The following PTPRD variants were observed in gnomAD, a reference collection of about 807,000 sequenced individuals.
PTPRD encodes protein tyrosine phosphatase receptor type D, also known as receptor-type tyrosine-protein phosphatase delta.
Under a neutral mutation model 214.5 loss-of-function variants are expected in PTPRD, and 34 were observed. That is an observed-to-expected ratio of 0.16 (90% CI 0.12 to 0.21). PTPRD has a LOEUF of 0.21. Among genes scored for constraint, PTPRD ranks in the 10% least tolerant of loss-of-function variants. PTPRD has a pLI of 1.00. For synonymous variants in PTPRD, 1,128 were observed against 845.7 expected (o/e 1.33, Z -5.79); for missense variants, 2,545 against 2,398.7 (o/e 1.06, Z -1.27).
intron 27 of PTPRD, among the ~76,000 whole-genome samples, chr9:8,490,414 C>T (rs2097126603): frequency 6.6e-6 from 1 of 152,124 alleles, no homozygotes; most frequent in Non-Finnish European, 1.5e-5. Flanking sequence ...CTAAATTTAG[C>T]CCCAATTTAA....
chr9:10,208,435 A>G (rs1195691300), intron 3 of PTPRD, among the ~76,000 whole-genome samples: 2 of 152,076 alleles, frequency 1.3e-5, no homozygotes, highest in Non-Finnish European at 2.9e-5. Flanking sequence ...AAGGGCGTGA[A>G]CCCGGGAGGC....
chr9:10,608,343 C>A (rs988776567), intron 2 of PTPRD, among the ~76,000 whole-genome samples: 3 of 151,918 alleles, frequency 2.0e-5, no homozygotes, highest in Non-Finnish European at 4.4e-5. Context: ...AGCATAGGGT[C>A]ATTTAGAGAA....
At chr9:8,748,760 G>C (rs1439867208) in intron 11 of PTPRD, among the ~76,000 whole-genome samples, 1 of 151,770 alleles carries the variant, frequency 6.6e-6, no homozygotes, top group Admixed American at 6.6e-5. Context: ...AAAAATACAA[G>C]ATTAGCCAGG....
intron 11 of PTPRD, among the ~76,000 whole-genome samples, chr9:8,912,666 G>T (rs755779375): frequency 6.6e-6 from 1 of 151,814 alleles, no homozygotes; most frequent in Admixed American, 6.6e-5. Flanking sequence ...TTAGAGAAAA[G>T]GTTTTACTAA....
At chr9:10,611,381 T>C (rs1314977601) in intron 2 of PTPRD, among the ~76,000 whole-genome samples, 1 of 152,220 alleles carries the variant, frequency 6.6e-6, no homozygotes, top group East Asian at 1.9e-4. Context: ...TGAAATGTTA[T>C]TGATTCTCTC....
chr9:8,639,926 T>C (rs1286349142), intron 12 of PTPRD, among the ~76,000 whole-genome samples: 2 of 152,160 alleles, frequency 1.3e-5, no homozygotes, highest in Non-Finnish European at 2.9e-5. Flanking sequence ...TGGTCAGGCA[T>C]TGAAGTTTTT....
intron 5 of PTPRD, among the ~76,000 whole-genome samples, chr9:9,818,266 C>A (rs978458180): frequency 3.3e-5 from 5 of 152,128 alleles, no homozygotes; most frequent in African/African-American, 4.8e-5. Context: ...TCTATATCCC[C>A]TAGACAATAT....
At chr9:10,541,954 A>G (rs2059213607) in intron 2 of PTPRD, among the ~76,000 whole-genome samples, 1 of 152,128 alleles carries the variant, frequency 6.6e-6, no homozygotes, top group Admixed American at 6.6e-5. Context: ...AATTGGCATA[A>G]TTATTATGTT....
At chr9:8,329,561 C>A (rs145810419) in intron 44 of PTPRD, among the ~76,000 whole-genome samples, 1 of 152,130 alleles carries the variant, frequency 6.6e-6, no homozygotes, top group African/African-American at 2.4e-5. Context: ...AGAAATGCTG[C>A]GCTCATCAGA....
chr9:8,544,516 C>T (rs1330697980), intron 14 of PTPRD, among the ~76,000 whole-genome samples: 1 of 137,606 alleles, frequency 7.3e-6, no homozygotes, highest in Non-Finnish European at 1.5e-5. Flanking sequence ...GTTGTCCAGG[C>T]TGAAGTGCAG....
Position 9,036,157 on chromosome 9 carries a change from TTATTG to T in PTPRD, c.-142-17427_-142-17423del, listed in dbSNP as rs1361352244. 8.6e-5 allele frequency among the ~76,000 whole-genome samples: 13 copies of T among 152,006 alleles called. No individual in the cohort carries two copies. In the South Asian group the frequency reaches 2.1e-3, roughly 24 times the overall value. On this transcript the variant is annotated intron_variant, in intron 10 of 45. Coordinates refer to ENST00000381196, the MANE Select transcript of PTPRD (RefSeq NM_002839.4). ...GTCTTGCTTCAATAATCATAAATTC[TTATTG>T]GCCTCTGGATAGGATTGCCCTCCTC... is the stretch of plus-strand genomic sequence containing the variant.
At position 8,470,984 on chromosome 9, in the gene PTPRD, GAC is replaced by G. The variant is rs777096217; in HGVS notation, c.3504+9_3504+10del. 3 of 1,606,206 alleles carry G rather than the reference GAC, an allele frequency of 1.9e-6. No homozygotes were observed. The highest frequency in any genetic ancestry group is 1.1e-5 in the South Asian group (1 of 90,908). Reference sequence around the variant, plus strand: ...ACGAATAAAAGACATGGCCAACAATGACACAGTTACCTCATCTAATTCCATTT... The same window carrying G: ...ACGAATAAAAGACATGGCCAACAATGACAGTTACCTCATCTAATTCCATTT... On this transcript the variant is annotated intron_variant, in intron 31 of 45. Transcript: ENST00000381196.
intron 2 of PTPRD, among the ~76,000 whole-genome samples, chr9:10,417,243 A>G (rs1245063289): frequency 1.3e-5 from 2 of 151,968 alleles, no homozygotes; most frequent in Admixed American, 1.3e-4. Context: ...AGTATTCAAA[A>G]TCTTCAAAAC....
chr9:10,089,632 T>C (rs1052945760), intron 3 of PTPRD, among the ~76,000 whole-genome samples: 1 of 151,642 alleles, frequency 6.6e-6, no homozygotes, highest in Non-Finnish European at 1.5e-5. Context: ...TAGGCAATAC[T>C]GAAGAGTCAT....
intron 3 of PTPRD, among the ~76,000 whole-genome samples, chr9:10,080,359 G>A (rs1354956984): frequency 1.3e-5 from 2 of 152,116 alleles, no homozygotes; most frequent in Non-Finnish European, 2.9e-5. Flanking sequence ...AATGTGAAAT[G>A]TTAACACTGT....
chr9:9,573,450 T>G (rs1007693291), intron 8 of PTPRD, among the ~76,000 whole-genome samples: 1 of 151,426 alleles, frequency 6.6e-6, no homozygotes, highest in African/African-American at 2.4e-5. Flanking sequence ...ATTGGTTATA[T>G]GGGTGTAATT....
At chr9:10,248,946 C>A (rs1325414039) in intron 3 of PTPRD, among the ~76,000 whole-genome samples, 3 of 151,620 alleles carry the variant, frequency 2.0e-5, no homozygotes, top group Admixed American at 2.0e-4. Context: ...ATAGGGAATT[C>A]ATATTTACCT....
At chr9:8,527,294 T>C (rs752754334) in intron 16 of PTPRD, 51 bp downstream of exon 16, 7 of 1,567,174 alleles carry the variant, frequency 4.5e-6, no homozygotes, top group East Asian at 2.2e-5. Context: ...AATAATATTC[T>C]GGATATGGAA....
At chr9:8,497,157 T>C (rs2097294439) in intron 26 of PTPRD, 85 bp downstream of exon 26, 3 of 1,205,188 alleles carry the variant, frequency 2.5e-6, no homozygotes, top group African/African-American at 1.6e-5. Flanking sequence ...CAAACTGTGA[T>C]GACAGATCAC....
Sources: allele counts gnomAD v4.1 joint callset (sites outside exome capture counted in the v4.1 genomes callset), GRCh38; gene constraint gnomAD v4.1.1; transcripts MANE v1.5; gene names NCBI Gene and HGNC (gene_info 2026-07-23, HGNC 2026-07-21).